Variants in APBA1 observed in about 807,000 individuals in gnomAD.
APBA1 encodes amyloid-beta A4 precursor protein-binding family A member 1.
APBA1 carries 55 observed loss-of-function variants against 86.6 expected under a neutral mutation model. The observed-to-expected ratio is 0.64, with a 90% confidence interval of 0.51 to 0.80. APBA1 has a LOEUF of 0.80. Among genes scored for constraint, APBA1 ranks in the 30% least tolerant of loss-of-function variants. The pLI, the probability that APBA1 is intolerant of heterozygous loss-of-function variation, is 0.00. For synonymous variants in APBA1, 511 were observed against 493.9 expected (o/e 1.03, Z -0.46); for missense variants, 1,090 against 1,183.0 (o/e 0.92, Z 1.15).
chr9:69,602,391 G>A (rs1822368755), intron 1 of APBA1, among the ~76,000 whole-genome samples: 1 of 151,988 alleles, frequency 6.6e-6, no homozygotes, highest in African/African-American at 2.4e-5. Flanking sequence ...CTAACATGGT[G>A]AAACCCCGTC....
intron 1 of APBA1, among the ~76,000 whole-genome samples, chr9:69,592,004 T>C (rs886083391): frequency 2.0e-5 from 3 of 152,226 alleles, no homozygotes; most frequent in African/African-American, 7.2e-5. Flanking sequence ...CATGCTCGTT[T>C]CCTAAGCTGA....
At chr9:69,561,852 C>A (rs961536543) in intron 1 of APBA1, among the ~76,000 whole-genome samples, 3 of 152,028 alleles carry the variant, frequency 2.0e-5, no homozygotes, top group Non-Finnish European at 4.4e-5. Flanking sequence ...GTCTTGAACT[C>A]CTGACCTCAG....
chr9:69,646,559 G>A (rs928173133), intron 1 of APBA1, among the ~76,000 whole-genome samples: 10 of 152,098 alleles, frequency 6.6e-5, no homozygotes, highest in African/African-American at 2.4e-4. Flanking sequence ...AGCTTCGGAG[G>A]AAGTCCTAGA....
chr9:69,638,545 T>A (rs1311200684), intron 1 of APBA1, among the ~76,000 whole-genome samples: 1 of 152,184 alleles, frequency 6.6e-6, no homozygotes, highest in Admixed American at 6.5e-5. Context: ...GCATACTTTA[T>A]AAAGTGAATA....
At chr9:69,546,247 C>T (rs1194316621) in intron 1 of APBA1, among the ~76,000 whole-genome samples, 3 of 152,204 alleles carry the variant, frequency 2.0e-5, no homozygotes, top group Admixed American at 1.3e-4. Flanking sequence ...ATCTGAAATC[C>T]TTCTGATCAG....
chr9:69,586,748 T>C (rs1435540658), intron 1 of APBA1, among the ~76,000 whole-genome samples: 1 of 152,174 alleles, frequency 6.6e-6, no homozygotes, highest in African/African-American at 2.4e-5. Flanking sequence ...AAATGAACTA[T>C]ATCTGCATTT....
At chr9:69,638,377 A>C (rs945824308) in intron 1 of APBA1, among the ~76,000 whole-genome samples, 1 of 152,122 alleles carries the variant, frequency 6.6e-6, no homozygotes, top group African/African-American at 2.4e-5. Context: ...AGTAGCTGGG[A>C]TTACAGGCAT....
chr9:69,511,012 G>A (rs1328134186), intron 2 of APBA1, among the ~76,000 whole-genome samples: 15 of 150,902 alleles, frequency 9.9e-5, no homozygotes, highest in Non-Finnish European at 2.1e-4. Context: ...ATAGGCATGG[G>A]CAAGGACTTC....
chr9:69,613,330 T>C (rs1445349242), intron 1 of APBA1, among the ~76,000 whole-genome samples: 1 of 152,316 alleles, frequency 6.6e-6, no homozygotes, highest in South Asian at 2.1e-4. Context: ...TATTCCTGTT[T>C]AATAGTTTCT....
chr9:69,591,043 CTG>C (rs1209598073), intron 1 of APBA1, among the ~76,000 whole-genome samples: 1 of 152,182 alleles, frequency 6.6e-6, no homozygotes, highest in East Asian at 1.9e-4. Context: ...TGGTCCCAAA[CTG>C]TGGGAGGAGG....
intron 1 of APBA1, among the ~76,000 whole-genome samples, chr9:69,642,941 G>T (rs1401028720): frequency 1.3e-5 from 2 of 150,950 alleles, no homozygotes; most frequent in Non-Finnish European, 2.9e-5. Flanking sequence ...ACAATCACAC[G>T]AACCAATTCC....
intron 1 of APBA1, among the ~76,000 whole-genome samples, chr9:69,553,243 C>A (rs952556079): frequency 1.1e-4 from 17 of 152,152 alleles, no homozygotes; most frequent in African/African-American, 4.1e-4. Context: ...CATAAATGCA[C>A]AGATCTTAAA....
rs952492766 is a variant in APBA1, at chr9:69,626,642, C to T, written c.-70+45511G>A. Among the ~76,000 whole-genome samples, 4 of 152,106 alleles carry T rather than the reference C, an allele frequency of 2.6e-5. No individual in the cohort carries two copies. In the East Asian group the frequency reaches 7.7e-4, roughly 29 times the overall value. ...TATCTGTCAATGAATTTCTGAGAAG[C>T]ACCTGGCACTTTTGTCCATTTATAT... On this transcript the variant is annotated intron_variant, in intron 1 of 12. Transcript: ENST00000265381.
At position 69,455,230 on chromosome 9, in the gene APBA1, T is replaced by C. The variant is rs541706710; in HGVS notation, c.1788+1017A>G. Among the ~76,000 whole-genome samples the C allele has an allele frequency of 2.1e-4, 32 of 152,262 alleles. No individual in the cohort carries two copies. The East Asian group carries it at 3.9e-3, about 18-fold the overall frequency. ...CCAGATCAGGACTCCGTGCTCCATGTGAGAAACAGAGCCTATTCCTCTGTG... is the reference window on the plus strand; with the variant it reads ...CCAGATCAGGACTCCGTGCTCCATGCGAGAAACAGAGCCTATTCCTCTGTG... On this transcript the variant is annotated intron_variant, in intron 8 of 12. Transcript: ENST00000265381.
chr9:69,432,376 T>C (rs1358900239), intron 12 of APBA1, among the ~76,000 whole-genome samples, 160 bp downstream of exon 12: 2 of 152,110 alleles, frequency 1.3e-5, no homozygotes, highest in Non-Finnish European at 2.9e-5. Context: ...GCTAATGGGT[T>C]TGGCATTTGG....
intron 1 of APBA1, among the ~76,000 whole-genome samples, chr9:69,615,491 A>T (rs1313537830): frequency 6.6e-6 from 1 of 152,184 alleles, no homozygotes; most frequent in Non-Finnish European, 1.5e-5. Context: ...GCCTGGCTTC[A>T]AGGGTTCCCA....
intron 1 of APBA1, among the ~76,000 whole-genome samples, chr9:69,628,935 G>T (rs1822984559): frequency 6.6e-6 from 1 of 152,148 alleles, no homozygotes; most frequent in African/African-American, 2.4e-5. Flanking sequence ...CATTGTTACA[G>T]GGCTGTGATA....
At chr9:69,572,239 C>A (rs749527874) in intron 1 of APBA1, among the ~76,000 whole-genome samples, 4 of 152,180 alleles carry the variant, frequency 2.6e-5, no homozygotes, top group African/African-American at 9.7e-5. Flanking sequence ...GCTCTCCCAA[C>A]GTGTGCCGTC....
At chr9:69,513,762 A>G (rs1836090133) in intron 2 of APBA1, among the ~76,000 whole-genome samples, 1 of 152,246 alleles carries the variant, frequency 6.6e-6, no homozygotes, top group Non-Finnish European at 1.5e-5. Context: ...AATGCTGACT[A>G]TTCCTTAAAG....
Sources: gnomAD v4.1 joint callset for allele counts (sites outside exome capture counted in the v4.1 genomes callset) on GRCh38, gnomAD v4.1.1 for gene constraint, MANE v1.5 for transcripts, NCBI Gene and HGNC (gene_info 2026-07-23, HGNC 2026-07-21) for gene names.